Variants in PTPRD observed in about 807,000 individuals in gnomAD.
PTPRD encodes the protein receptor-type tyrosine-protein phosphatase delta.
PTPRD carries 34 observed loss-of-function variants against 214.5 expected under a neutral mutation model. The observed-to-expected ratio is 0.16, with a 90% CI of 0.12 to 0.21. The LOEUF (loss-of-function observed/expected upper bound fraction) is 0.21. Ranked by LOEUF, PTPRD falls within the 10% of genes least tolerant of loss-of-function variation. PTPRD has a pLI of 1.00. For synonymous variants in PTPRD, 1,128 were observed against 845.7 expected (o/e 1.33, Z -5.79); for missense variants, 2,545 against 2,398.7 (o/e 1.06, Z -1.27).
chr9:10,481,409 C>T (rs2099097065), intron 2 of PTPRD, among the ~76,000 whole-genome samples: 1 of 152,050 alleles, frequency 6.6e-6, no homozygotes, highest in African/African-American at 2.4e-5. Flanking sequence ...AATATAAAAA[C>T]ATATTCATAG....
chr9:8,782,574 A>G (rs2095762988), intron 11 of PTPRD, among the ~76,000 whole-genome samples: 1 of 150,412 alleles, frequency 6.6e-6, no homozygotes, highest in Non-Finnish European at 1.5e-5. Context: ...TGAGACACTC[A>G]TGAAAACAGA....
At chr9:8,875,089 G>T (rs1315186066) in intron 11 of PTPRD, among the ~76,000 whole-genome samples, 1 of 152,196 alleles carries the variant, frequency 6.6e-6, no homozygotes, top group Non-Finnish European at 1.5e-5. Context: ...ATAAAATGGA[G>T]ATAAAACTAA....
At chr9:8,498,008 C>G (rs1299362366) in intron 25 of PTPRD, among the ~76,000 whole-genome samples, 1 of 152,132 alleles carries the variant, frequency 6.6e-6, no homozygotes, top group Non-Finnish European at 1.5e-5. Flanking sequence ...CGATAACTTT[C>G]TTTTTATAGG....
intron 11 of PTPRD, among the ~76,000 whole-genome samples, chr9:8,764,578 A>T (rs2094590226): frequency 6.6e-6 from 1 of 152,042 alleles, no homozygotes; most frequent in African/African-American, 2.4e-5. Flanking sequence ...TGGGTGGATC[A>T]CAAGGTCAGG....
chr9:9,172,136 A>G (rs1159723028), intron 10 of PTPRD, among the ~76,000 whole-genome samples: 3 of 152,272 alleles, frequency 2.0e-5, no homozygotes, highest in East Asian at 1.9e-4. Flanking sequence ...GCTAGTTATA[A>G]TCTTAGCTTC....
intron 5 of PTPRD, among the ~76,000 whole-genome samples, chr9:9,841,705 C>A (rs957447940): frequency 6.6e-6 from 1 of 152,060 alleles, no homozygotes; most frequent in Non-Finnish European, 1.5e-5. Context: ...AAAATAGAAT[C>A]TGACTTTCCT....
intron 10 of PTPRD, among the ~76,000 whole-genome samples, chr9:9,130,463 A>C (rs1278791269): frequency 1.3e-5 from 2 of 152,204 alleles, no homozygotes. Flanking sequence ...ATAGTCTACA[A>C]CTTGTGTAAA....
At chr9:9,099,758 G>C (rs2099788773) in intron 10 of PTPRD, among the ~76,000 whole-genome samples, 1 of 152,140 alleles carries the variant, frequency 6.6e-6, no homozygotes, top group South Asian at 2.1e-4. Flanking sequence ...TGGTTTCTAT[G>C]AATAGAATTA....
intron 2 of PTPRD, among the ~76,000 whole-genome samples, chr9:10,434,592 A>T (rs1307583234): frequency 6.6e-6 from 1 of 151,862 alleles, no homozygotes; most frequent in African/African-American, 2.4e-5. Flanking sequence ...CTACTATAAT[A>T]TGTACTCATT....
At chr9:8,722,561 A>G (rs931033443) in intron 12 of PTPRD, among the ~76,000 whole-genome samples, 13 of 152,108 alleles carry the variant, frequency 8.5e-5, no homozygotes, top group East Asian at 3.9e-4. Flanking sequence ...GCTTTAATCT[A>G]TATAGGGACT....
chr9:10,093,793 G>C (rs957499503), intron 3 of PTPRD, among the ~76,000 whole-genome samples: 2 of 151,398 alleles, frequency 1.3e-5, no homozygotes, highest in African/African-American at 4.8e-5. Context: ...CAGTAACATG[G>C]ATGCAGCTGG....
intron 33 of PTPRD, among the ~76,000 whole-genome samples, chr9:8,450,664 G>C (rs958152242): frequency 6.6e-5 from 10 of 152,106 alleles, no homozygotes; most frequent in African/African-American, 2.4e-4. Flanking sequence ...AGCTTTATTA[G>C]ATATCCCCAT....
Position 9,594,357 on chromosome 9 carries a change from C to T in PTPRD, c.-286-19576G>A, listed in dbSNP as rs192410288. Among the ~76,000 whole-genome samples, 274 of 152,042 alleles carry T rather than the reference C, an allele frequency of 1.8e-3. 2 individuals are homozygous for T. The highest frequency in any genetic ancestry group is 6.6e-3 in the African/African-American group (272 of 41,522). ...CATGAAATCCTTGCCTAAGCCAACG[C>T]TTAGAAGGGTTTTTCCAATGTTAGC... On this transcript the variant is annotated intron_variant, in intron 7 of 45. Coordinates refer to ENST00000381196, the MANE Select transcript of PTPRD (RefSeq NM_002839.4).
At position 10,250,335 on chromosome 9, in the gene PTPRD, A is replaced by C. The variant is rs1237641433; in HGVS notation, c.-545+90628T>G. 2.6e-5 allele frequency among the ~76,000 whole-genome samples: 4 copies of C among 152,236 alleles called. No individual in the cohort carries two copies. In the East Asian group the frequency reaches 7.7e-4, roughly 29 times the overall value. ...ATCTATATAACCAAATTTTAAATTA[A>C]CCACAATAATTTTATAAGACAGCTG... On this transcript the variant is annotated intron_variant, in intron 3 of 45. Transcript: ENST00000381196.
intron 7 of PTPRD, among the ~76,000 whole-genome samples, chr9:9,604,428 A>T (rs1034532822): frequency 1.3e-5 from 2 of 152,066 alleles, no homozygotes; most frequent in Admixed American, 1.3e-4. Flanking sequence ...AATAAGAGAG[A>T]TCAGTGGAAT....
chr9:9,966,003 T>G (rs1432832132), intron 4 of PTPRD, among the ~76,000 whole-genome samples: 4 of 152,188 alleles, frequency 2.6e-5, no homozygotes, highest in Admixed American at 6.5e-5. Context: ...GCACAAAAAG[T>G]CAGGTTTTTA....
chr9:10,031,647 T>TATATATATACACACACACACACACAC, intron 4 of PTPRD, among the ~76,000 whole-genome samples: 6 of 89,648 alleles, frequency 6.7e-5, no homozygotes, highest in African/African-American at 3.2e-4. Flanking sequence ...TATATATATA[T>TATATATATACACACACACACACACAC]ACACACACAC....
chr9:9,038,401 C>T (rs1015414689), intron 10 of PTPRD, among the ~76,000 whole-genome samples: 2 of 152,088 alleles, frequency 1.3e-5, no homozygotes, highest in Non-Finnish European at 2.9e-5. Context: ...TACTTCTAAA[C>T]ACCCCCACAT....
intron 2 of PTPRD, among the ~76,000 whole-genome samples, chr9:10,525,853 C>T (rs763729346): frequency 2.0e-5 from 3 of 151,908 alleles, no homozygotes; most frequent in African/African-American, 4.8e-5. Context: ...TTGTTCTTCG[C>T]CCACTTAACA....
Sources: allele counts gnomAD v4.1 joint callset (sites outside exome capture counted in the v4.1 genomes callset), GRCh38; gene constraint gnomAD v4.1.1; transcripts MANE v1.5; gene names NCBI Gene and HGNC (gene_info 2026-07-23, HGNC 2026-07-21).